The following NAALADL2 variants were observed in gnomAD, a reference collection of about 807,000 sequenced individuals.
NAALADL2 encodes the protein inactive N-acetylated-alpha-linked acidic dipeptidase-like protein 2.
A neutral mutation model predicts 87.2 loss-of-function variants in NAALADL2; 76 were observed. The ratio of observed to expected loss-of-function variants is 0.87; its 90% confidence interval spans 0.72 to 1.05. The LOEUF is 1.05. Among genes scored for constraint, NAALADL2 ranks in the 50% least tolerant of loss-of-function variants. The probability of loss-of-function intolerance (pLI) is 0.00; values close to 1 mark genes in which losing one functional copy is unlikely to be tolerated. For synonymous variants in NAALADL2, 354 were observed against 331.0 expected (o/e 1.07, Z -0.75); for missense variants, 1,089 against 945.8 (o/e 1.15, Z -1.99).
intron 3 of NAALADL2, among the ~76,000 whole-genome samples, chr3:174,778,904 G>A (rs547062992): frequency 1.3e-5 from 2 of 152,150 alleles, no homozygotes; most frequent in African/African-American, 4.8e-5. Flanking sequence ...TTGGCTCCAA[G>A]TCTTTGCTAT....
chr3:175,383,685 A>G (rs1482008309), intron 5 of NAALADL2, among the ~76,000 whole-genome samples: 1 of 152,046 alleles, frequency 6.6e-6, no homozygotes, highest in African/African-American at 2.4e-5. Flanking sequence ...TATAAGGGAA[A>G]AAAAATGTTC....
chr3:174,894,594 C>CAAAAAAAAAA (rs869161862), intron 1 of NAALADL2, among the ~76,000 whole-genome samples: 33 of 48,468 alleles, frequency 6.8e-4, no homozygotes, highest in East Asian at 1.6e-3. Flanking sequence ...AACTCCGTCT[C>CAAAAAAAAAA]AAAAAAAAAA....
At chr3:175,459,956 A>G in intron 6 of NAALADL2, 1 of 305,668 alleles carries the variant, frequency 3.3e-6, no homozygotes, top group South Asian at 2.8e-5. Flanking sequence ...TTCTTTTTAC[A>G]TTTTTAACAG....
At position 174,442,190 on chromosome 3, in the gene NAALADL2, A is replaced by T. The variant is rs75704805; in HGVS notation, c.-184+1158A>T. On this transcript the variant is annotated intron_variant, in intron 1 of 3. Coordinates refer to the NAALADL2 transcript ENST00000434257. ...TCCGTTCCTGTCCTCAGGAGAAGGG[A>T]CCATGGTGAGCACTGGCTTAATCCT... Among the ~76,000 whole-genome samples the T allele has an allele frequency of 5.2e-3, 795 of 152,230 alleles. 15 individuals are homozygous for T. The East Asian group carries it at 0.057, about 11-fold the overall frequency.
At chr3:174,881,372 T>C (rs949001579) in intron 1 of NAALADL2, among the ~76,000 whole-genome samples, 4 of 152,146 alleles carry the variant, frequency 2.6e-5, no homozygotes, top group African/African-American at 7.2e-5. Flanking sequence ...AGGAAGATTA[T>C]ATGGTACACA....
chr3:174,945,074 G>C (rs1739201688), intron 1 of NAALADL2, among the ~76,000 whole-genome samples: 1 of 152,118 alleles, frequency 6.6e-6, no homozygotes, highest in African/African-American at 2.4e-5. Flanking sequence ...CTAGGTTTTA[G>C]ATTTCTACAA....
rs372304908 is a variant in NAALADL2 at position 175,381,961 on chromosome 3, C to T, written c.1090+57636C>T. 5.9e-5 allele frequency among the ~76,000 whole-genome samples: 9 copies of T among 152,242 alleles called. No individual in the cohort carries two copies. In the East Asian group the frequency reaches 1.7e-3, roughly 29 times the overall value. On this transcript the variant is annotated intron_variant, in intron 5 of 13. Coordinates refer to ENST00000454872, the MANE Select transcript of NAALADL2 (RefSeq NM_207015.3). ...TTTGGTGCCCTAGTTTTCCTATTAA[C>T]CCACTTACTACCATACTGCTCACTT...
intron 2 of NAALADL2, among the ~76,000 whole-genome samples, chr3:174,647,089 A>C (rs1261855015): frequency 6.6e-6 from 1 of 152,226 alleles, no homozygotes; most frequent in Non-Finnish European, 1.5e-5. Context: ...TTAAATAACA[A>C]AAATAATGCT....
intron 2 of NAALADL2, among the ~76,000 whole-genome samples, chr3:175,138,918 A>ATATATATATATATG (rs1553787384): frequency 7.3e-6 from 1 of 136,392 alleles, no homozygotes; most frequent in Non-Finnish European, 1.6e-5. Context: ...ATATATATAT[A>ATATATATATATATG]TATATATGAT....
chr3:175,032,278 G>A (rs1371869422), intron 1 of NAALADL2, among the ~76,000 whole-genome samples: 2 of 151,888 alleles, frequency 1.3e-5, no homozygotes, highest in Non-Finnish European at 2.9e-5. Context: ...TTAATATCCA[G>A]TATTATTAAT....
At chr3:174,923,283 C>T (rs1183903936) in intron 1 of NAALADL2, among the ~76,000 whole-genome samples, 1 of 152,080 alleles carries the variant, frequency 6.6e-6, no homozygotes, top group Non-Finnish European at 1.5e-5. Context: ...ACTAGAACAA[C>T]AAAATAAATG....
intron 1 of NAALADL2, among the ~76,000 whole-genome samples, chr3:174,512,874 CT>C (rs949620790): frequency 3.3e-5 from 5 of 151,988 alleles, no homozygotes; most frequent in Non-Finnish European, 7.4e-5. Flanking sequence ...CACATAAAGC[CT>C]GGTATCTGTT....
intron 5 of NAALADL2, among the ~76,000 whole-genome samples, chr3:175,331,380 A>G (rs1003740777): frequency 6.6e-6 from 1 of 152,242 alleles, no homozygotes; most frequent in African/African-American, 2.4e-5. Context: ...TCCCTGATGA[A>G]CATAGACACA....
intron 1 of NAALADL2, among the ~76,000 whole-genome samples, chr3:174,986,636 A>G (rs1214320954): frequency 2.6e-5 from 4 of 152,116 alleles, no homozygotes; most frequent in Non-Finnish European, 5.9e-5. Flanking sequence ...TGAGTATTAT[A>G]AGGTGGCTCT....
At chr3:175,323,810 G>A (rs1400504114) in intron 4 of NAALADL2, among the ~76,000 whole-genome samples, 1 of 151,670 alleles carries the variant, frequency 6.6e-6, no homozygotes, top group Non-Finnish European at 1.5e-5. Context: ...GAGGTCAGGC[G>A]ATCGAGACCA....
At chr3:174,896,457 C>A (rs1372505358) in intron 1 of NAALADL2, among the ~76,000 whole-genome samples, 1 of 151,806 alleles carries the variant, frequency 6.6e-6, no homozygotes, top group East Asian at 1.9e-4. Context: ...TAGGAATTAA[C>A]CAAAGAATTA....
At chr3:175,155,889 A>C (rs1732242314) in intron 2 of NAALADL2, among the ~76,000 whole-genome samples, 2 of 152,184 alleles carry the variant, frequency 1.3e-5, no homozygotes, top group Non-Finnish European at 2.9e-5. Flanking sequence ...TCCAAGTTTG[A>C]GAACCACTTG....
intron 10 of NAALADL2, among the ~76,000 whole-genome samples, chr3:175,589,246 A>G (rs1056603687): frequency 1.3e-5 from 2 of 152,198 alleles, no homozygotes; most frequent in African/African-American, 4.8e-5. Flanking sequence ...GTAGCATAAT[A>G]TAAATAAAAT....
chr3:174,842,576 C>G (rs1724148024), intron 3 of NAALADL2, among the ~76,000 whole-genome samples: 1 of 152,150 alleles, frequency 6.6e-6, no homozygotes. Context: ...TATGCACACT[C>G]TAATTACAAG....
Sources: allele counts gnomAD v4.1 joint callset (sites outside exome capture counted in the v4.1 genomes callset), GRCh38; gene constraint gnomAD v4.1.1; transcripts MANE v1.5; gene names NCBI Gene and HGNC (gene_info 2026-07-23, HGNC 2026-07-21).